Variants in SMPDL3B observed in about 807,000 individuals in gnomAD.
SMPDL3B encodes the protein acid sphingomyelinase-like phosphodiesterase 3b.
In SMPDL3B, 31 loss-of-function variants were observed where a neutral mutation model predicts 37.9. The ratio of observed to expected loss-of-function variants is 0.82; its 90% confidence interval spans 0.61 to 1.10. SMPDL3B has a LOEUF of 1.10. SMPDL3B is among the 50% of genes least tolerant of loss of function. SMPDL3B has a pLI of 0.00. For missense variants in SMPDL3B, 525 were observed against 597.8 expected, an observed-to-expected ratio of 0.88 and a Z score of 1.27; for synonymous variants, 235 against 242.6, an observed-to-expected ratio of 0.97 and a Z score of 0.29.
intron 1 of SMPDL3B, among the ~76,000 whole-genome samples, chr1:27,939,421 G>A (rs1383401899): frequency 6.6e-6 from 1 of 152,082 alleles, no homozygotes; most frequent in Non-Finnish European, 1.5e-5. Flanking sequence ...TGCAATCATA[G>A]CTCAAGGTAA....
intron 7 of SMPDL3B, 43 bp downstream of exon 7, chr1:27,956,125 C>T (rs1219822698): frequency 6.2e-7 from 1 of 1,613,940 alleles, no homozygotes; most frequent in Admixed American, 1.7e-5. Context: ...GTGGGAGGGG[C>T]TTAAATGCAT....
At chr1:27,955,096 C>T (rs1455251944) in intron 5 of SMPDL3B, among the ~76,000 whole-genome samples, 1 of 152,190 alleles carries the variant, frequency 6.6e-6, no homozygotes. Context: ...GGCTCAGTAG[C>T]GAGTCCATCA....
intron 4 of SMPDL3B, 62 bp from the exon 5 acceptor site, chr1:27,954,292 G>A: frequency 6.8e-7 from 1 of 1,461,608 alleles, no homozygotes; most frequent in Non-Finnish European, 9.3e-7. Flanking sequence ...TGAGGTGGAA[G>A]GGGCGGAAGC....
At chr1:27,957,928 A>C (rs1320596101) in intron 7 of SMPDL3B, among the ~76,000 whole-genome samples, 2 of 152,198 alleles carry the variant, frequency 1.3e-5, no homozygotes, top group African/African-American at 2.4e-5. Flanking sequence ...GTGGCCATGC[A>C]TACGGGCAGC....
At chr1:27,953,689 C>A (rs2090474384) in intron 4 of SMPDL3B, among the ~76,000 whole-genome samples, 1 of 152,212 alleles carries the variant, frequency 6.6e-6, no homozygotes, top group Non-Finnish European at 1.5e-5. Context: ...CAGGTTTGAA[C>A]CTTGCCACCA....
chr1:27,952,197 T>C (rs900258744), intron 3 of SMPDL3B, among the ~76,000 whole-genome samples: 6 of 151,922 alleles, frequency 3.9e-5, no homozygotes, highest in Non-Finnish European at 8.8e-5. Flanking sequence ...GGATTCTTAA[T>C]GGCTGCTGGC....
At chr1:27,947,655 T>TG (rs2090422347) in intron 2 of SMPDL3B, among the ~76,000 whole-genome samples, 1 of 116,638 alleles carries the variant, frequency 8.6e-6, no homozygotes, top group African/African-American at 3.0e-5. Flanking sequence ...GTTTTTTTGT[T>TG]TTTTTTTTTT....
At chr1:27,946,164 C>A (rs2090405259) in intron 2 of SMPDL3B, among the ~76,000 whole-genome samples, 1 of 151,988 alleles carries the variant, frequency 6.6e-6, no homozygotes, top group Non-Finnish European at 1.5e-5. Flanking sequence ...ACCATCCTGG[C>A]CAACATGGTG....
In SMPDL3B at chr1:27,945,486, C is replaced by A. The variant is rs1341651828; in HGVS notation, c.275+41C>A. 2 of 1,497,332 alleles carry A rather than the reference C, an allele frequency of 1.3e-6. No homozygotes were observed. The highest frequency in any genetic ancestry group is 2.3e-5 in the South Asian group (2 of 87,756). 92.8% of individuals were successfully genotyped at this position (1,497,332 alleles called of 1,614,324 possible). A position where few individuals can be genotyped will look rare whatever the true frequency, so the allele number is the denominator to read the frequency against. Reference sequence around the variant, plus strand: ...GTGGCAGCTACCCTTTGCCAGGCATCTGCTATGTGCTACATACCAGTCTGG... The same window carrying A: ...GTGGCAGCTACCCTTTGCCAGGCATATGCTATGTGCTACATACCAGTCTGG... On this transcript the variant is annotated intron_variant, in intron 2 of 7. Coordinates refer to ENST00000373894, the MANE Select transcript of SMPDL3B (RefSeq NM_014474.4). The surrounding 1 kb of genome is among the most constrained non-coding windows in gnomAD (Gnocchi z 4.0).
Position 27,955,780 on chromosome 1 carries a change from G to T in SMPDL3B, c.787G>T (p.Val263Phe). 1 of 1,614,148 alleles carries T rather than the reference G, an allele frequency of 6.2e-7. No homozygotes were observed. The highest frequency in any genetic ancestry group is 1.3e-5 in the African/African-American group (1 of 75,034). The change falls in exon 6 of 8, where the codon GTC becomes TTC. Residue 263 changes from valine to phenylalanine, a missense_variant. Physicochemically the swap from Val to Phe is conservative, Grantham distance 50 (BLOSUM62 -1). Coordinates refer to ENST00000373894, the MANE Select transcript of SMPDL3B (RefSeq NM_014474.4). ...CTTCAATGAAAAATACCTGAAGGTG[G>T]TCCGGAAGCATCATCGCGTCATAGC... is the stretch of plus-strand genomic sequence containing the variant. ...EGFNEKYLKV[V>F]RKHHRVIAGQ...
Position 27,956,044 on chromosome 1 carries a change from C to T in SMPDL3B, c.967C>T (p.Arg323Trp), listed in dbSNP as rs368252544. 133 of 1,613,964 alleles carry T rather than the reference C, an allele frequency of 8.2e-5. 1 individual carries two copies. Among genetic ancestry groups the T allele is most frequent in the Middle Eastern group, 4.9e-4 (3 of 6,084 alleles). The part of the protein sequence containing the change: ...VVNGANNPAI[R>W]VFEYDRATLS... ...CAATGGGGCCAACAATCCAGCCATC[C>T]GGGTGTTCGAATATGACCGAGCCAC... The change falls in exon 7 of 8, where the codon CGG becomes TGG. Residue 323 changes from arginine to tryptophan, a missense_variant. Physicochemically the swap from Arg to Trp is moderately radical, Grantham distance 101. Coordinates refer to ENST00000373894, the MANE Select transcript of SMPDL3B (RefSeq NM_014474.4).
rs186383331 is a variant in SMPDL3B at position 27,936,220 on chromosome 1, G to C, written c.61+976G>C. 4.9e-3 allele frequency among the ~76,000 whole-genome samples: 753 copies of C among 152,218 alleles called. 4 individuals carry two copies. The highest frequency in any genetic ancestry group is 8.0e-3 in the Non-Finnish European group (547 of 68,000). On this transcript the variant is annotated intron_variant, in intron 1 of 7. Transcript: ENST00000373894. Reference sequence around the variant, plus strand: ...TAATCCCAGCACTTTGGGAGGCTGAGGAGGGTGGATTGCTTGAGTCCAGGA... The same window carrying C: ...TAATCCCAGCACTTTGGGAGGCTGACGAGGGTGGATTGCTTGAGTCCAGGA...
At chr1:27,938,331 C>T (rs1390117974) in intron 1 of SMPDL3B, among the ~76,000 whole-genome samples, 9 of 152,218 alleles carry the variant, frequency 5.9e-5, no homozygotes, top group Admixed American at 5.9e-4. Context: ...CTGAAAATCC[C>T]TTGCTTAAGT....
chr1:27,940,193 G>A (rs1557490959), intron 1 of SMPDL3B, among the ~76,000 whole-genome samples: 1 of 152,146 alleles, frequency 6.6e-6, no homozygotes, highest in South Asian at 2.1e-4. Context: ...CCAGGGACGC[G>A]CTGTGCCCAC....
intron 1 of SMPDL3B, chr1:27,936,790 G>A (rs7340035): frequency 0.25 from 37,762 of 152,116 alleles, 5,674 homozygotes; most frequent in East Asian, 0.6. Context: ...AGGCCGAGGC[G>A]GGCGGATCAC....
chr1:27,957,246 C>T (rs1638317320), intron 7 of SMPDL3B, among the ~76,000 whole-genome samples: 1 of 152,090 alleles, frequency 6.6e-6, no homozygotes, highest in Non-Finnish European at 1.5e-5. Flanking sequence ...TAGTAGCTTG[C>T]CCAGGGTGGA....
chr1:27,935,346 C>T, intron 1 of SMPDL3B, 102 bp downstream of exon 1: 3 of 869,398 alleles, frequency 3.5e-6, no homozygotes, highest in South Asian at 3.0e-5. Context: ...CTAAAGATAG[C>T]AAGGCAGGAG....
chr1:27,938,651 C>A (rs2090328836), intron 1 of SMPDL3B, among the ~76,000 whole-genome samples: 1 of 152,230 alleles, frequency 6.6e-6, no homozygotes, highest in Non-Finnish European at 1.5e-5. Flanking sequence ...TTCCACTAAG[C>A]TGTATGATGG....
At chr1:27,955,659 T>A in intron 5 of SMPDL3B, 25 bp from the exon 6 acceptor site, 3 of 1,601,208 alleles carry the variant, frequency 1.9e-6, no homozygotes, top group Non-Finnish European at 2.6e-6. Context: ...TCTGTGAGCC[T>A]CTTCTGGGAA....
Sources: allele counts gnomAD v4.1 joint callset (sites outside exome capture counted in the v4.1 genomes callset), GRCh38; gene constraint gnomAD v4.1.1; non-coding constraint Gnocchi (gnomAD v3.1); transcripts MANE v1.5; gene names NCBI Gene and HGNC (gene_info 2026-07-23, HGNC 2026-07-21).